The following POGZ variants were observed in gnomAD, a reference collection of about 807,000 sequenced individuals.
POGZ encodes pogo transposable element derived with ZNF domain.
POGZ carries 17 observed loss-of-function variants against 134.6 expected under a neutral mutation model. That is an observed-to-expected ratio of 0.13 (90% CI 0.09 to 0.19). POGZ has a LOEUF of 0.19. POGZ is among the 10% of genes least tolerant of loss of function. POGZ has a pLI of 1.00. For missense variants in POGZ, 1,306 were observed against 1,769.7 expected (o/e 0.74, Z 4.70); for synonymous variants, 693 against 657.1 (o/e 1.05, Z -0.84).
In POGZ at chr1:151,406,406, G is replaced by C; in HGVS notation, c.2629C>G (p.Pro877Ala). 1 of 1,570,122 alleles carries C rather than the reference G, an allele frequency of 6.4e-7. No individual in the cohort carries two copies. Residue 877 changes from proline (P) to alanine (A), a missense_variant, in exon 19 of 19, where the codon CCT becomes GCT. Coordinates refer to ENST00000271715, the MANE Select transcript of POGZ (RefSeq NM_015100.4). ...DRNVKNMYPP[P>A]SFPTNKAATV... ...GCAGCTTTGTTAGTGGGGAAGGAAG[G>C]AGGAGGGTACATATTCTTCACGTTC...
Position 151,428,313 on chromosome 1 carries a change from G to C in POGZ, c.669C>G (p.Thr223=). 6.2e-7 allele frequency: 1 copy of C among 1,614,080 alleles called. No homozygotes were observed. Among genetic ancestry groups the C allele is most frequent in the Non-Finnish European group, 8.5e-7 (1 of 1,180,016 alleles). Residue 223 remains threonine, a synonymous_variant, in exon 6 of 19, where the codon ACC becomes ACG. Coordinates refer to ENST00000271715, the MANE Select transcript of POGZ (RefSeq NM_015100.4). ...RPGSTMPVRP[T]TNTFTTVIPA... is the part of the protein sequence containing the mutation. ...GGATGACGGTGGTGAAGGTGTTGGT[G>C]GTGGGCCTCACAGGCATTGTGGAGC...
intron 1 of POGZ, among the ~76,000 whole-genome samples, chr1:151,457,299 G>T (rs980623392): frequency 6.6e-6 from 1 of 152,136 alleles, no homozygotes; most frequent in Non-Finnish European, 1.5e-5. Context: ...TCAACATCTT[G>T]AACACTTTTA....
intron 1 of POGZ, among the ~76,000 whole-genome samples, chr1:151,448,934 G>A (rs898370410): frequency 5.9e-5 from 9 of 152,196 alleles, no homozygotes; most frequent in African/African-American, 9.6e-5. Context: ...GATATAGACA[G>A]ATCATGTCAA....
chr1:151,419,319 G>A (rs111503854), intron 10 of POGZ, among the ~76,000 whole-genome samples: 164 of 151,920 alleles, frequency 1.1e-3, no homozygotes, highest in African/African-American at 3.5e-3. Context: ...CCAAGACTGC[G>A]CCACTGCACT....
Position 151,444,886 on chromosome 1 carries a change from A to G in POGZ, c.-1-2681T>C, listed in dbSNP as rs529943069. Among the ~76,000 whole-genome samples the G allele has an allele frequency of 5.3e-5, 8 of 152,220 alleles. No individual in the cohort carries two copies. The South Asian group carries it at 1.5e-3, about 28-fold the overall frequency. ...TTTTTTAAAAATTAGCCAGGCGTGC[A>G]GCACACACCAGTGGTCCCAGCTACC... On this transcript the variant is annotated intron_variant, in intron 1 of 18. Transcript: ENST00000271715.
At chr1:151,446,745 G>C (rs2102395897) in intron 1 of POGZ, among the ~76,000 whole-genome samples, 1 of 98,064 alleles carries the variant, frequency 1.0e-5, no homozygotes, top group East Asian at 3.4e-4. Context: ...GATAGAGCAA[G>C]ACTCCATCTC....
intron 1 of POGZ, among the ~76,000 whole-genome samples, chr1:151,458,062 T>G (rs531254006): frequency 6.6e-6 from 1 of 152,260 alleles, no homozygotes; most frequent in Non-Finnish European, 1.5e-5. Flanking sequence ...CAACTGCATC[T>G]TAGTTTCCAT....
At chr1:151,424,875 C>A in intron 8 of POGZ, 80 bp downstream of exon 8, 1 of 730,292 alleles carries the variant, frequency 1.4e-6, no homozygotes. Context: ...CATTTTAGAG[C>A]CCCTGCTTAC....
At chr1:151,449,470 G>A (rs139236014) in intron 1 of POGZ, among the ~76,000 whole-genome samples, 35 of 152,094 alleles carry the variant, frequency 2.3e-4, no homozygotes, top group African/African-American at 7.2e-4. Flanking sequence ...GAGATTATCC[G>A]ACCCTAAATG....
In POGZ at chr1:151,423,929, C is replaced by T; in HGVS notation, c.1523+20G>A. On this transcript the variant is annotated intron_variant, in intron 9 of 18. Coordinates refer to ENST00000271715, the MANE Select transcript of POGZ (RefSeq NM_015100.4). ...GTCTTCTCTTGTTCAAGGTAACTTCCAAGGCTCTTAAACACTTACCGAATA... is the reference window on the plus strand; with the variant it reads ...GTCTTCTCTTGTTCAAGGTAACTTCTAAGGCTCTTAAACACTTACCGAATA... The T allele has an allele frequency of 6.4e-7, 1 of 1,574,696 alleles. No individual in the cohort carries two copies. Among genetic ancestry groups the T allele is most frequent in the Non-Finnish European group, 8.7e-7 (1 of 1,150,694 alleles).
At chr1:151,434,157 A>G (rs1385816385) in intron 3 of POGZ, among the ~76,000 whole-genome samples, 3 of 152,152 alleles carry the variant, frequency 2.0e-5, no homozygotes, top group African/African-American at 4.8e-5. Context: ...TAAAAATACA[A>G]AAGTTAGCTG....
At chr1:151,457,811 C>T (rs1662951633) in intron 1 of POGZ, among the ~76,000 whole-genome samples, 2 of 151,990 alleles carry the variant, frequency 1.3e-5, no homozygotes, top group South Asian at 4.1e-4. Flanking sequence ...CCTGTAATCC[C>T]AGCTACTAGG....
At chr1:151,425,483 G>A (rs1657616848) in intron 7 of POGZ, among the ~76,000 whole-genome samples, 3 of 151,980 alleles carry the variant, frequency 2.0e-5, no homozygotes, top group African/African-American at 7.3e-5. Flanking sequence ...CAGAACTGAA[G>A]CTATATCCAA....
At chr1:151,451,173 T>TAAA (rs1245446801) in intron 1 of POGZ, 1 of 150,460 alleles carries the variant, frequency 6.6e-6, no homozygotes, top group Non-Finnish European at 1.5e-5. Flanking sequence ...CATTAACCAA[T>TAAA]AAACTACTGA....
chr1:151,423,314 A>G (rs954852045), intron 10 of POGZ, 83 bp downstream of exon 10: 3 of 1,175,210 alleles, frequency 2.6e-6, no homozygotes, highest in African/African-American at 3.1e-5. Context: ...CATGTAAATA[A>G]ATATAATGGG....
intron 1 of POGZ, among the ~76,000 whole-genome samples, chr1:151,452,722 TGCG>T (rs1232627045): frequency 6.6e-6 from 1 of 151,578 alleles, no homozygotes; most frequent in African/African-American, 2.4e-5. Context: ...AAATTAGCCA[TGCG>T]TGGTGGCTGG....
At chr1:151,413,945 T>C (rs974342096) in intron 10 of POGZ, among the ~76,000 whole-genome samples, 1 of 152,202 alleles carries the variant, frequency 6.6e-6, no homozygotes, top group African/African-American at 2.4e-5. Context: ...TCTGAAATTA[T>C]TTGCAAAAGA....
intron 1 of POGZ, among the ~76,000 whole-genome samples, chr1:151,458,181 A>T (rs1662995824): frequency 6.6e-6 from 1 of 152,154 alleles, no homozygotes; most frequent in African/African-American, 2.4e-5. Context: ...AGAGAATCCC[A>T]CATCTGGAGA....
Position 151,405,111 on chromosome 1 carries a change from C to T in POGZ, c.3924G>A (p.Val1308=). ...CTGGACAGTCCCCAATGACACCTAG[C>T]ACTTCACCCAGCCAGACAAGCACCA... ...LQLVLVWLGE[V]LGVIGDCPEL... Residue 1308 remains valine (V), a synonymous_variant, in exon 19 of 19, where the codon GTG becomes GTA. Coordinates refer to ENST00000271715, the MANE Select transcript of POGZ (RefSeq NM_015100.4). This position sits in a 1 kb window ranked among gnomAD's most constrained non-coding sequence, Gnocchi z 4.9. 6 of 1,614,236 alleles carry T rather than the reference C, an allele frequency of 3.7e-6. No homozygotes were observed. Among genetic ancestry groups the T allele is most frequent in the Non-Finnish European group, 5.1e-6 (6 of 1,180,044 alleles).
Sources: gnomAD v4.1 joint callset for allele counts (sites outside exome capture counted in the v4.1 genomes callset) on GRCh38, gnomAD v4.1.1 for gene constraint, Gnocchi (gnomAD v3.1) non-coding constraint, MANE v1.5 for transcripts, NCBI Gene and HGNC (gene_info 2026-07-23, HGNC 2026-07-21) for gene names.